DCDC1: variants seen among roughly 807,000 people sequenced by gnomAD.
DCDC1 encodes doublecortin domain-containing protein 1.
A neutral mutation model predicts 178.3 loss-of-function variants in DCDC1; 200 were observed. The observed-to-expected ratio is 1.12, with a 90% CI of 1.00 to 1.26. DCDC1 has a LOEUF of 1.26. DCDC1 is among the 50% of genes most tolerant of loss of function. The probability of loss-of-function intolerance (pLI) is 0.00; values close to 1 mark genes in which losing one functional copy is unlikely to be tolerated. For synonymous variants in DCDC1, 690 were observed against 604.8 expected (o/e 1.14, Z -2.07); for missense variants, 1,983 against 1,749.2 (o/e 1.13, Z -2.38).
At position 30,960,852 on chromosome 11, in the gene DCDC1, A is replaced by G. The variant is rs561446937; in HGVS notation, c.2592-8284T>C. On this transcript the variant is annotated intron_variant, in intron 20 of 38. Transcript: ENST00000684477. ...TTTATTTATTTAATATAATGTCTTT[A>G]TTAGCTTTGCCTTCCCATTAAAGGC... Among the ~76,000 whole-genome samples, 130 of 152,292 alleles carry G rather than the reference A, an allele frequency of 8.5e-4. 2 individuals carry two copies. Among genetic ancestry groups the G allele is most frequent in the African/African-American group, 3.6e-4 (15 of 41,568 alleles).
At chr11:31,022,640 AGTTTGTGT>A (rs1365204679) in intron 20 of DCDC1, among the ~76,000 whole-genome samples, 2 of 56,306 alleles carry the variant, frequency 3.6e-5, no homozygotes, top group African/African-American at 1.5e-4. Context: ...AGTGTCTTTT[AGTTTGTGT>A]GTGTGTGTGT....
intron 27 of DCDC1, among the ~76,000 whole-genome samples, chr11:30,913,465 G>A (rs969864056): frequency 3.3e-5 from 5 of 152,172 alleles, no homozygotes; most frequent in African/African-American, 9.6e-5. Flanking sequence ...CCCTAGAGGG[G>A]GACTTGTGCT....
chr11:30,887,780 C>CG (rs1943307199), intron 36 of DCDC1, among the ~76,000 whole-genome samples: 3 of 151,898 alleles, frequency 2.0e-5, no homozygotes, highest in Admixed American at 2.0e-4. Context: ...GAGGCCAAGG[C>CG]GGGGGGATCA....
Position 31,369,709 on chromosome 11 carries a change from C to G in DCDC1, c.-137G>C, listed in dbSNP as rs1952178358. 6.6e-6 allele frequency: 1 copy of G among 152,656 alleles called. No individual in the cohort carries two copies. Among genetic ancestry groups the G allele is most frequent in the Non-Finnish European group, 1.5e-5 (1 of 68,076 alleles). 9.5% of individuals were successfully genotyped at this position (152,656 alleles called of 1,614,324 possible). A position where few individuals can be genotyped will look rare whatever the true frequency, so the allele number is the denominator to read the frequency against. ...TTTGGGAACTTACTGGTAGTAAACG[C>G]CACTCCATAGAAGCGGTGACCGGTT... On this transcript the variant is annotated 5_prime_UTR_variant, in exon 1 of 39. Transcript: ENST00000684477.
chr11:30,925,029 C>T (rs1029841641), intron 23 of DCDC1, among the ~76,000 whole-genome samples: 2 of 151,198 alleles, frequency 1.3e-5, no homozygotes, highest in Admixed American at 6.6e-5. Context: ...GCCAAGACTG[C>T]GCCACTGCAC....
At chr11:31,158,304 A>G (rs1181959652) in intron 9 of DCDC1, among the ~76,000 whole-genome samples, 1 of 150,756 alleles carries the variant, frequency 6.6e-6, no homozygotes, top group African/African-American at 2.4e-5. Flanking sequence ...TTTTTAGTAG[A>G]GACGGGGTTT....
At chr11:31,327,735 A>G (rs999005430) in intron 3 of DCDC1, among the ~76,000 whole-genome samples, 2 of 151,926 alleles carry the variant, frequency 1.3e-5, no homozygotes, top group Admixed American at 1.3e-4. Context: ...CTGTACTCAA[A>G]CATTTTTTTT....
intron 7 of DCDC1, among the ~76,000 whole-genome samples, chr11:31,278,387 T>C (rs1325543561): frequency 6.6e-6 from 1 of 152,088 alleles, no homozygotes; most frequent in African/African-American, 2.4e-5. Context: ...CTGGAGGGCA[T>C]TATGTTAAGT....
chr11:31,012,480 C>T (rs1272348980), intron 20 of DCDC1, among the ~76,000 whole-genome samples: 3 of 151,742 alleles, frequency 2.0e-5, no homozygotes, highest in African/African-American at 7.3e-5. Flanking sequence ...GTGGTATGTG[C>T]CTGTAGTTCC....
At chr11:31,091,131 AGTAAAGCAGCAGTTT>A (rs1445185898) in intron 17 of DCDC1, among the ~76,000 whole-genome samples, 2 of 152,220 alleles carry the variant, frequency 1.3e-5, no homozygotes, top group Admixed American at 1.3e-4. Flanking sequence ...ATAATTATAG[AGTAAAGCAGCAGTTT>A]GTCTACGACA....
chr11:31,260,452 C>T (rs969653855), intron 8 of DCDC1, among the ~76,000 whole-genome samples: 1 of 152,124 alleles, frequency 6.6e-6, no homozygotes, highest in African/African-American at 2.4e-5. Flanking sequence ...AGAAATTTAT[C>T]AGAGAATATA....
At chr11:31,061,451 T>TTGTGTG (rs147625273) in intron 20 of DCDC1, among the ~76,000 whole-genome samples, 1 of 150,506 alleles carries the variant, frequency 6.6e-6, no homozygotes, top group Non-Finnish European at 1.5e-5. Flanking sequence ...TCATTTTAGA[T>TTGTGTG]TGTGTGTGTG....
chr11:31,120,496 C>T (rs899512280), intron 11 of DCDC1, among the ~76,000 whole-genome samples: 3 of 152,076 alleles, frequency 2.0e-5, no homozygotes, highest in Non-Finnish European at 4.4e-5. Flanking sequence ...TGATTTGTTG[C>T]GATTTACTTT....
At chr11:30,994,118 TCATTATAACAATGCA>T (rs1409412366) in intron 20 of DCDC1, among the ~76,000 whole-genome samples, 1 of 152,180 alleles carries the variant, frequency 6.6e-6, no homozygotes, top group Non-Finnish European at 1.5e-5. Flanking sequence ...CAAGTGAGAT[TCATTATAACAATGCA>T]AGATTGTTCA....
intron 17 of DCDC1, among the ~76,000 whole-genome samples, chr11:31,084,310 G>A (rs1428323241): frequency 6.6e-6 from 1 of 151,898 alleles, no homozygotes; most frequent in Non-Finnish European, 1.5e-5. Flanking sequence ...TAGAAAAAGA[G>A]AAAATTTTTA....
At chr11:31,042,909 A>C (rs1001948266) in intron 20 of DCDC1, among the ~76,000 whole-genome samples, 13 of 152,176 alleles carry the variant, frequency 8.5e-5, no homozygotes, top group African/African-American at 3.1e-4. Context: ...AACCCTTCCC[A>C]AAAGGGCTTT....
intron 20 of DCDC1, among the ~76,000 whole-genome samples, chr11:31,038,850 G>T (rs1477292941): frequency 6.7e-6 from 1 of 149,998 alleles, no homozygotes; most frequent in East Asian, 2.0e-4. Context: ...CCTAAGAAAA[G>T]ATATCTTTTG....
chr11:31,263,622 G>C (rs1944945561), intron 8 of DCDC1, among the ~76,000 whole-genome samples: 1 of 152,026 alleles, frequency 6.6e-6, no homozygotes, highest in Non-Finnish European at 1.5e-5. Flanking sequence ...TGTAATCCTT[G>C]GCCAAAAAAT....
At chr11:31,170,721 C>G (rs1230632618) in intron 9 of DCDC1, among the ~76,000 whole-genome samples, 3 of 152,212 alleles carry the variant, frequency 2.0e-5, no homozygotes, top group African/African-American at 4.8e-5. Flanking sequence ...TCAAAGATGT[C>G]TGTTGCCTAC....
Sources: allele counts gnomAD v4.1 joint callset (sites outside exome capture counted in the v4.1 genomes callset), GRCh38; gene constraint gnomAD v4.1.1; transcripts MANE v1.5; gene names NCBI Gene and HGNC (gene_info 2026-07-23, HGNC 2026-07-21).